LEPROTL1: variants seen among roughly 807,000 people sequenced by gnomAD.
The protein encoded by LEPROTL1 is leptin receptor overlapping transcript-like 1.
In LEPROTL1, 6 loss-of-function variants were observed where a neutral mutation model predicts 15.4. That is an observed-to-expected ratio of 0.39 (90% CI 0.21 to 0.77). LEPROTL1 has a LOEUF of 0.77. LEPROTL1 is among the 30% of genes least tolerant of loss of function. LEPROTL1 has a pLI of 0.41. For missense variants in LEPROTL1, 128 were observed against 158.1 expected (o/e 0.81, Z 1.02); for synonymous variants, 56 against 52.6 (o/e 1.06, Z -0.28).
intron 3 of LEPROTL1, among the ~76,000 whole-genome samples, chr8:30,123,622 A>G (rs887969460): frequency 6.6e-6 from 1 of 152,192 alleles, no homozygotes; most frequent in African/African-American, 2.4e-5. Flanking sequence ...TCACACACAC[A>G]TACATATACA....
At chr8:30,123,488 C>T (rs1259224050) in intron 3 of LEPROTL1, among the ~76,000 whole-genome samples, 1 of 152,202 alleles carries the variant, frequency 6.6e-6, no homozygotes, top group Non-Finnish European at 1.5e-5. Context: ...CAACATCTCT[C>T]AGCAGTGTTT....
intron 3 of LEPROTL1, chr8:30,132,171 C>T (rs1803031303): frequency 1.9e-6 from 3 of 1,551,708 alleles, no homozygotes; most frequent in South Asian, 1.2e-5. Flanking sequence ...AGGAGTGAAT[C>T]AGGTAGTCAG....
At chr8:30,131,099 A>T (rs1803001040) in intron 3 of LEPROTL1, among the ~76,000 whole-genome samples, 1 of 150,260 alleles carries the variant, frequency 6.7e-6, no homozygotes, top group African/African-American at 2.4e-5. Context: ...CGGCCCAAAA[A>T]ATTTTTTTAG....
intron 3 of LEPROTL1, chr8:30,131,877 C>T (rs1215490261): frequency 8.2e-6 from 12 of 1,469,166 alleles, no homozygotes; most frequent in Admixed American, 2.6e-5. Context: ...TATGCATTAT[C>T]GATGCGTCAT....
intron 2 of LEPROTL1, among the ~76,000 whole-genome samples, chr8:30,102,872 CTT>C (rs972380858): frequency 1.1e-4 from 16 of 152,114 alleles, no homozygotes; most frequent in Admixed American, 2.0e-4. Flanking sequence ...AGCAGGGACT[CTT>C]TTGTGCTGTG....
At chr8:30,125,985 A>T (rs1208283323) in intron 3 of LEPROTL1, among the ~76,000 whole-genome samples, 1 of 152,212 alleles carries the variant, frequency 6.6e-6, no homozygotes, top group East Asian at 1.9e-4. Context: ...TAGACTATGG[A>T]GAATCAAGTT....
intron 3 of LEPROTL1, 119 bp from the exon 4 acceptor site, chr8:30,105,627 A>G (rs1438881891): frequency 3.4e-6 from 2 of 588,178 alleles, no homozygotes; most frequent in African/African-American, 2.0e-5. Flanking sequence ...TGTGACAATT[A>G]TTGTTACAAG....
intron 3 of LEPROTL1, chr8:30,117,628 A>C: frequency 6.8e-7 from 1 of 1,468,796 alleles, no homozygotes; most frequent in Non-Finnish European, 9.5e-7. Flanking sequence ...ATGATTTCAA[A>C]TTCGCCAATG....
At chr8:30,135,480 G>C (rs573715490) in intron 4 of LEPROTL1, among the ~76,000 whole-genome samples, 23 of 152,144 alleles carry the variant, frequency 1.5e-4, no homozygotes, top group Non-Finnish European at 2.5e-4. Flanking sequence ...TGCCTAATGT[G>C]GGATTTGTAC....
At chr8:30,095,937 C>G (rs1437541318) in intron 1 of LEPROTL1, 21 of 690,538 alleles carry the variant, frequency 3.0e-5, no homozygotes, top group Non-Finnish European at 7.9e-6. Flanking sequence ...GAGATGCCAG[C>G]TATGGAAAAC....
chr8:30,129,076 T>G (rs565806271), intron 3 of LEPROTL1, among the ~76,000 whole-genome samples: 2 of 152,200 alleles, frequency 1.3e-5, no homozygotes, highest in East Asian at 1.9e-4. Context: ...GTGTGTGTGT[T>G]TTTTAATAGA....
chr8:30,129,523 G>A (rs993966778), intron 3 of LEPROTL1, among the ~76,000 whole-genome samples: 1 of 152,080 alleles, frequency 6.6e-6, no homozygotes, highest in African/African-American at 2.4e-5. Context: ...TGGCCAACAC[G>A]GTGAAACCCC....
At chr8:30,115,175 G>A (rs756694625) in intron 3 of LEPROTL1, among the ~76,000 whole-genome samples, 3 of 151,956 alleles carry the variant, frequency 2.0e-5, no homozygotes, top group Admixed American at 6.6e-5. Context: ...ATCAGCCTGC[G>A]CAATATGATA....
At chr8:30,108,858 C>A (rs571277041), downstream of LEPROTL1, among the ~76,000 whole-genome samples, 11 of 152,084 alleles carry the variant, frequency 7.2e-5, no homozygotes. Flanking sequence ...AAACTCCTGG[C>A]CTCAAGTTAT....
chr8:30,102,119 A>G lies in LEPROTL1; in HGVS notation c.92+146A>G, dbSNP rs1408483796. The G allele has an allele frequency of 5.3e-6, 3 of 561,844 alleles. No individual in the cohort carries two copies. In the Admixed American group the frequency reaches 1.0e-4, roughly 19 times the overall value. 34.8% of individuals were successfully genotyped at this position (561,844 alleles called of 1,614,324 possible). On this transcript the variant is annotated intron_variant, in intron 2 of 3. Transcript: ENST00000321250. ...CATACCTTTGTAAAAATCACCACTT[A>G]AAGTTTGTTTCTAAAGATTTTAGGA...
intron 3 of LEPROTL1, among the ~76,000 whole-genome samples, chr8:30,120,640 C>G (rs1018817987): frequency 2.6e-5 from 4 of 152,178 alleles, no homozygotes; most frequent in African/African-American, 4.8e-5. Context: ...GAGCAATCCT[C>G]CTGTCTCAGC....
rs1044367609 is a variant in LEPROTL1, at chr8:30,106,478, G to C, written c.*616G>C. 6 of 985,740 alleles carry C rather than the reference G, an allele frequency of 6.1e-6. No homozygotes were observed. The African/African-American group carries it at 1.0e-4, about 17-fold the overall frequency. 61.1% of individuals were successfully genotyped at this position (985,740 alleles called of 1,614,324 possible). A position where few individuals can be genotyped will look rare whatever the true frequency, so the allele number is the denominator to read the frequency against. The stretch of plus-strand genomic sequence containing the variant: ...TTAAGGGTTGTTGGTTTTACTGGTA[G>C]ACAGATGTTTTGTGGATTGAAAATT... On this transcript the variant is annotated 3_prime_UTR_variant, in exon 4 of 4. Transcript: ENST00000321250.
At chr8:30,129,681 C>G (rs763753238) in intron 3 of LEPROTL1, among the ~76,000 whole-genome samples, 2 of 151,156 alleles carry the variant, frequency 1.3e-5, no homozygotes, top group East Asian at 3.9e-4. Flanking sequence ...CACCACTGCA[C>G]TCCAGCCTGG....
At chr8:30,129,776 G>C (rs1047741638) in intron 3 of LEPROTL1, among the ~76,000 whole-genome samples, 2 of 150,090 alleles carry the variant, frequency 1.3e-5, no homozygotes, top group African/African-American at 4.9e-5. Context: ...CCTGAGACTG[G>C]GTAATTAATA....
Sources: allele counts gnomAD v4.1 joint callset (sites outside exome capture counted in the v4.1 genomes callset), GRCh38; gene constraint gnomAD v4.1.1; transcripts MANE v1.5; gene names NCBI Gene and HGNC (gene_info 2026-07-23, HGNC 2026-07-21).